ASIP: variants seen among roughly 807,000 people sequenced by gnomAD.
ASIP encodes the protein agouti-signaling protein.
Under a neutral mutation model 10.3 loss-of-function variants are expected in ASIP, and 11 were observed. The observed-to-expected ratio is 1.07, with a 90% CI of 0.68 to 1.78. The LOEUF is 1.78. ASIP is among the 40% of genes most tolerant of loss of function. The pLI is 0.00. For missense variants in ASIP, 180 were observed against 169.2 expected (o/e 1.06, Z -0.35); for synonymous variants, 70 against 70.8 (o/e 0.99, Z 0.06).
chr20:34,263,215 C>T (rs1244552568), intron 3 of ASIP, among the ~76,000 whole-genome samples: 3 of 152,230 alleles, frequency 2.0e-5, no homozygotes, highest in Admixed American at 6.5e-5. Flanking sequence ...TTCAGAACCA[C>T]ATTTATAACT....
chr20:34,232,301 A>G (rs1293672680), intron 1 of ASIP, among the ~76,000 whole-genome samples: 1 of 152,186 alleles, frequency 6.6e-6, no homozygotes, highest in South Asian at 2.1e-4. Flanking sequence ...CTATAAGATG[A>G]GGAGGAGCAT....
chr20:34,235,965 G>A (rs1470894742), intron 1 of ASIP, among the ~76,000 whole-genome samples: 1 of 92,924 alleles, frequency 1.1e-5, no homozygotes, highest in Non-Finnish European at 1.8e-5. Flanking sequence ...AGGAAGGAAG[G>A]AGGGAGGGAG....
chr20:34,224,062 A>G, intron 1 of ASIP, among the ~76,000 whole-genome samples: 1 of 127,906 alleles, frequency 7.8e-6, no homozygotes, highest in South Asian at 2.9e-4. Flanking sequence ...ATCTCAAGTA[A>G]TCAGGGACAC....
At chr20:34,214,389 G>A in intron 1 of ASIP, 1 of 1,358,228 alleles carries the variant, frequency 7.4e-7, no homozygotes, top group Non-Finnish European at 1.1e-6. Context: ...ATGCTGATAG[G>A]AACTGACTCC....
intron 1 of ASIP, chr20:34,215,459 T>G: frequency 6.5e-7 from 1 of 1,530,558 alleles, no homozygotes; most frequent in Non-Finnish European, 9.1e-7. Context: ...GCCATGAGGA[T>G]TCGCAGGTAC....
At chr20:34,215,682 G>C in intron 1 of ASIP, 2 of 1,450,124 alleles carry the variant, frequency 1.4e-6, no homozygotes, top group Non-Finnish European at 1.9e-6. Flanking sequence ...ACAGTGGTTA[G>C]TTCTGAATAT....
chr20:34,264,335 G>C (rs182443412), intron 3 of ASIP, among the ~76,000 whole-genome samples: 2 of 152,184 alleles, frequency 1.3e-5, no homozygotes, highest in African/African-American at 4.8e-5. Context: ...CAGGTGTTGC[G>C]AGTACGTGCT....
At chr20:34,212,581 T>C (rs760702697) in intron 1 of ASIP, among the ~76,000 whole-genome samples, 1 of 152,206 alleles carries the variant, frequency 6.6e-6, no homozygotes, top group Non-Finnish European at 1.5e-5. Flanking sequence ...ATTTTAACAA[T>C]TGACCCAATA....
intron 1 of ASIP, among the ~76,000 whole-genome samples, chr20:34,197,905 A>C (rs1365888464): frequency 6.6e-6 from 1 of 152,184 alleles, no homozygotes; most frequent in Admixed American, 6.5e-5. Flanking sequence ...CTTCCTATGA[A>C]TCAAATGGGA....
At chr20:34,214,455 C>A in intron 1 of ASIP, 1 of 1,514,356 alleles carries the variant, frequency 6.6e-7, no homozygotes, top group East Asian at 2.3e-5. Context: ...TGAAACATCA[C>A]CTGAGAAGTG....
chr20:34,236,030 A>G (rs1226173456), intron 1 of ASIP, among the ~76,000 whole-genome samples: 1 of 141,430 alleles, frequency 7.1e-6, no homozygotes, highest in African/African-American at 2.8e-5. Context: ...GAGAAGAAGA[A>G]AGAGAAAGAA....
chr20:34,203,247 C>T (rs944130889), intron 1 of ASIP, among the ~76,000 whole-genome samples: 1 of 151,996 alleles, frequency 6.6e-6, no homozygotes, highest in African/African-American at 2.4e-5. Flanking sequence ...ATTTTTTTAT[C>T]CATGAATATG....
intron 1 of ASIP, among the ~76,000 whole-genome samples, chr20:34,233,143 C>CTTTTTT (rs755217642): frequency 2.0e-4 from 20 of 100,310 alleles, no homozygotes; most frequent in African/African-American, 5.6e-4. Flanking sequence ...GGGACAAGAG[C>CTTTTTT]TTTTTTTTTT....
chr20:34,250,759 A>C (rs2122631560), intron 1 of ASIP, among the ~76,000 whole-genome samples: 1 of 152,126 alleles, frequency 6.6e-6, no homozygotes, highest in South Asian at 2.1e-4. Flanking sequence ...TTCCATTCTC[A>C]TCTCTCACTA....
intron 1 of ASIP, among the ~76,000 whole-genome samples, chr20:34,243,786 C>T (rs1325500026): frequency 1.3e-5 from 2 of 151,222 alleles, no homozygotes; most frequent in African/African-American, 2.4e-5. Flanking sequence ...ACTGTCTCGC[C>T]GGGCGCGGTG....
At chr20:34,234,948 G>C (rs2035159792) in intron 1 of ASIP, 1 of 152,136 alleles carries the variant, frequency 6.6e-6, no homozygotes, top group Non-Finnish European at 1.5e-5. Context: ...ATTTAATCTT[G>C]TGTTGTTTTT....
intron 1 of ASIP, among the ~76,000 whole-genome samples, chr20:34,206,735 C>A (rs559391523): frequency 6.6e-6 from 1 of 152,144 alleles, no homozygotes; most frequent in Admixed American, 6.5e-5. Context: ...CAAGCCACCA[C>A]GCCTGGCTAA....
intron 1 of ASIP, among the ~76,000 whole-genome samples, chr20:34,247,172 A>G (rs1486848919): frequency 1.3e-5 from 2 of 151,498 alleles, no homozygotes; most frequent in Non-Finnish European, 2.9e-5. Flanking sequence ...TTAACATTGT[A>G]TATGCCTCTC....
chr20:34,203,405 A>G (rs1233600456), intron 1 of ASIP, among the ~76,000 whole-genome samples: 1 of 150,708 alleles, frequency 6.6e-6, no homozygotes, highest in Non-Finnish European at 1.5e-5. Context: ...TATATTATAT[A>G]TATATTTTTT....
Sources: gnomAD v4.1 joint callset for allele counts (sites outside exome capture counted in the v4.1 genomes callset) on GRCh38, gnomAD v4.1.1 for gene constraint, MANE v1.5 for transcripts, NCBI Gene and HGNC (gene_info 2026-07-23, HGNC 2026-07-21) for gene names.